Variants in SRGAP1 observed in about 807,000 individuals in gnomAD.
SRGAP1 encodes the protein SLIT-ROBO Rho GTPase-activating protein 1.
In SRGAP1, 43 loss-of-function variants were observed where a neutral mutation model predicts 121.9. The observed-to-expected ratio is 0.35, with a 90% CI of 0.28 to 0.46. The LOEUF (loss-of-function observed/expected upper bound fraction) is 0.46. Ranked by LOEUF, SRGAP1 falls within the 20% of genes least tolerant of loss-of-function variation. The pLI is 1.00. For synonymous variants in SRGAP1, 447 were observed against 485.4 expected (o/e 0.92, Z 1.04); for missense variants, 1,102 against 1,350.9 (o/e 0.82, Z 2.89).
chr12:64,011,162 G>C (rs1319665428), intron 3 of SRGAP1, among the ~76,000 whole-genome samples: 1 of 149,734 alleles, frequency 6.7e-6, no homozygotes, highest in Non-Finnish European at 1.5e-5. Context: ...AAGTGAAGTA[G>C]ACTAGTTAGG....
chr12:63,858,828 A>C (rs1006361168), intron 1 of SRGAP1, among the ~76,000 whole-genome samples: 1 of 152,016 alleles, frequency 6.6e-6, no homozygotes, highest in African/African-American at 2.4e-5. Flanking sequence ...TCAACCTCCC[A>C]AGTAGCTGGG....
intron 1 of SRGAP1, among the ~76,000 whole-genome samples, chr12:63,866,905 G>A (rs1304241797): frequency 1.3e-5 from 2 of 149,970 alleles, no homozygotes; most frequent in African/African-American, 4.9e-5. Context: ...CTCTCACTCT[G>A]TCACCCAGGC....
intron 3 of SRGAP1, among the ~76,000 whole-genome samples, chr12:64,005,543 G>A (rs1376174459): frequency 6.6e-6 from 1 of 152,146 alleles, no homozygotes; most frequent in African/African-American, 2.4e-5. Flanking sequence ...CTACTTGGGA[G>A]GCAGAGGCAG....
chr12:63,935,746 C>T (rs1028343907), intron 1 of SRGAP1, among the ~76,000 whole-genome samples: 5 of 152,202 alleles, frequency 3.3e-5, no homozygotes, highest in Admixed American at 3.3e-4. Flanking sequence ...ATATTAACCT[C>T]TTCCTAATCC....
At chr12:63,967,700 G>A (rs1371380468) in intron 1 of SRGAP1, among the ~76,000 whole-genome samples, 1 of 152,170 alleles carries the variant, frequency 6.6e-6, no homozygotes, top group African/African-American at 2.4e-5. Flanking sequence ...GTGAGATTCT[G>A]TAATTCTGTT....
At chr12:63,948,433 T>TG (rs1185145561) in intron 1 of SRGAP1, among the ~76,000 whole-genome samples, 1 of 152,226 alleles carries the variant, frequency 6.6e-6, no homozygotes, top group Non-Finnish European at 1.5e-5. Context: ...GCAGGGATGC[T>TG]GGTGTCTCCC....
intron 4 of SRGAP1, among the ~76,000 whole-genome samples, chr12:64,035,655 T>C (rs116775812): frequency 0.01 from 1,574 of 152,312 alleles, 23 homozygotes; most frequent in African/African-American, 0.035. Context: ...GAGTGTTTTA[T>C]AAATGTGTGT....
chr12:63,905,525 G>C (rs955826661), intron 1 of SRGAP1, among the ~76,000 whole-genome samples: 1 of 152,216 alleles, frequency 6.6e-6, no homozygotes, highest in Non-Finnish European at 1.5e-5. Context: ...GAAAGCTCCT[G>C]CCTAAAACTT....
At chr12:63,849,247 T>C (rs1592877700) in intron 1 of SRGAP1, among the ~76,000 whole-genome samples, 2 of 152,244 alleles carry the variant, frequency 1.3e-5, no homozygotes, top group Non-Finnish European at 2.9e-5. Flanking sequence ...GTGGAAGGGA[T>C]TGAATAATTG....
At position 64,056,636 on chromosome 12, in the gene SRGAP1, T is replaced by C. The variant is rs576971012; in HGVS notation, c.802-6281T>C. On this transcript the variant is annotated intron_variant, in intron 6 of 21. Transcript: ENST00000355086. ...TTTCCTATTCTCCAAAGACCTCCCA[T>C]TGTCCTTAGAATAAAATCCAAACTA... is the stretch of plus-strand genomic sequence containing the variant. Among the ~76,000 whole-genome samples the C allele has an allele frequency of 2.6e-5, 4 of 152,162 alleles. No individual in the cohort carries two copies. The South Asian group carries it at 8.3e-4, about 32-fold the overall frequency.
rs201543745 is a variant in SRGAP1 at position 64,084,885 on chromosome 12, TTAA to T, written c.1409-2109_1409-2107del. Among the ~76,000 whole-genome samples, 148 of 152,132 alleles carry T rather than the reference TTAA, an allele frequency of 9.7e-4. 3 individuals are homozygous for T. In the East Asian group the frequency reaches 0.026, roughly 26 times the overall value. On this transcript the variant is annotated intron_variant, in intron 10 of 21. Transcript: ENST00000355086. ...TAAATTTACATTTATAGATATTAATTTAATAATGTACATATTTATAGAATTTAT... is the reference window on the plus strand; with the variant it reads ...TAAATTTACATTTATAGATATTAATTTAATGTACATATTTATAGAATTTAT...
At chr12:63,954,897 G>T (rs2136371140) in intron 1 of SRGAP1, among the ~76,000 whole-genome samples, 1 of 152,168 alleles carries the variant, frequency 6.6e-6, no homozygotes, top group East Asian at 1.9e-4. Flanking sequence ...TAATAAGTGA[G>T]GAGATGTATG....
At chr12:63,851,679 A>G (rs1228497116) in intron 1 of SRGAP1, among the ~76,000 whole-genome samples, 1 of 149,912 alleles carries the variant, frequency 6.7e-6, no homozygotes, top group African/African-American at 2.5e-5. Flanking sequence ...ATCCTCCCAC[A>G]TCAGCCTCCC....
At chr12:64,129,610 G>A (rs544134089) in intron 21 of SRGAP1, among the ~76,000 whole-genome samples, 8 of 152,144 alleles carry the variant, frequency 5.3e-5, no homozygotes, top group South Asian at 2.1e-4. Flanking sequence ...TCCTGAGATC[G>A]TACATAATCT....
chr12:64,128,018 C>T lies in SRGAP1; in HGVS notation c.2698C>T (p.Arg900Cys), dbSNP rs768091956. ...TCACCCCCGGGGCCTGCTGCAGAAC[C>T]GTGGCCTCAACAATGACAGTCCTGA... ...ASHPRGLLQNRGLNNDSPERR... is the reference protein window; with the variant it reads ...ASHPRGLLQNCGLNNDSPERR... Residue 900 changes from arginine (R) to cysteine (C), a missense_variant, in exon 21 of 22, where the codon CGT becomes TGT. By Grantham distance (180) the Arg-to-Cys change is radical. Transcript: ENST00000355086. The T allele has an allele frequency of 2.5e-6, 4 of 1,614,076 alleles. No individual in the cohort carries two copies. The African/African-American group carries it at 4.0e-5, about 16-fold the overall frequency.
intron 2 of SRGAP1, 67 bp downstream of exon 2, chr12:63,984,209 G>T (rs759959243): frequency 2.3e-5 from 21 of 933,318 alleles, no homozygotes; most frequent in Non-Finnish European, 3.1e-5. Context: ...CACCTTTGTG[G>T]ATTTTTTATT....
chr12:63,943,142 A>G (rs972749678), intron 1 of SRGAP1, among the ~76,000 whole-genome samples: 2 of 152,310 alleles, frequency 1.3e-5, no homozygotes, highest in East Asian at 3.9e-4. Context: ...TTCTTAGTAC[A>G]TATTTCTGTA....
intron 1 of SRGAP1, among the ~76,000 whole-genome samples, chr12:63,848,069 G>C (rs1898960761): frequency 6.6e-6 from 1 of 151,478 alleles, no homozygotes; most frequent in Non-Finnish European, 1.5e-5. Flanking sequence ...GCAGTGGCGT[G>C]GTCTCGGCTC....
At chr12:63,943,271 G>T (rs113426185) in intron 1 of SRGAP1, among the ~76,000 whole-genome samples, 3 of 152,292 alleles carry the variant, frequency 2.0e-5, no homozygotes, top group African/African-American at 7.2e-5. Flanking sequence ...GCAAGGCCCT[G>T]TGCCAGGAGC....
Sources: gnomAD v4.1 joint callset for allele counts (sites outside exome capture counted in the v4.1 genomes callset) on GRCh38, gnomAD v4.1.1 for gene constraint, MANE v1.5 for transcripts, NCBI Gene and HGNC (gene_info 2026-07-23, HGNC 2026-07-21) for gene names.